P4HA1: variants seen among roughly 807,000 people sequenced by gnomAD.
P4HA1 encodes prolyl 4-hydroxylase subunit alpha-1.
P4HA1 carries 24 observed loss-of-function variants against 72.8 expected under a neutral mutation model. The ratio of observed to expected loss-of-function variants is 0.33; its 90% CI spans 0.24 to 0.46. The LOEUF (loss-of-function observed/expected upper bound fraction) is 0.46, where lower values mean the gene tolerates loss of function less well. Ranked by LOEUF, P4HA1 falls within the 20% of genes least tolerant of loss-of-function variation. P4HA1 has a pLI of 1.00. For synonymous variants in P4HA1, 201 were observed against 218.8 expected (o/e 0.92, Z 0.72); for missense variants, 446 against 640.6 (o/e 0.70, Z 3.28).
intron 10 of P4HA1, among the ~76,000 whole-genome samples, chr10:73,018,487 C>G (rs1024517318): frequency 2.0e-5 from 3 of 152,150 alleles, no homozygotes; most frequent in Non-Finnish European, 4.4e-5. Flanking sequence ...CTGTGCTGCT[C>G]TCTGCCCCAC....
intron 7 of P4HA1, among the ~76,000 whole-genome samples, chr10:73,047,978 G>A (rs1200264090): frequency 6.6e-6 from 1 of 152,136 alleles, no homozygotes; most frequent in Admixed American, 6.5e-5. Context: ...CTTAAGCCCA[G>A]GAGGTAGAGG....
At chr10:73,027,785 C>A (rs1840319538) in intron 10 of P4HA1, among the ~76,000 whole-genome samples, 1 of 127,336 alleles carries the variant, frequency 7.9e-6, no homozygotes, top group African/African-American at 3.0e-5. Context: ...AGGAAGCAAG[C>A]AAACATGGAA....
rs950015685 is a variant in P4HA1, at chr10:73,084,352, G to A, written c.-32-9437C>T. 2.6e-5 allele frequency among the ~76,000 whole-genome samples: 4 copies of A among 152,310 alleles called. No individual in the cohort carries two copies. The East Asian group carries it at 7.7e-4, about 29-fold the overall frequency. On this transcript the variant is annotated intron_variant, in intron 1 of 14. Coordinates refer to ENST00000394890, the MANE Select transcript of P4HA1 (RefSeq NM_001017962.3). ...TTGTTGCCCAGTCTGGAGTGCAGTGGAGCAATCACAGCTGACTACAGCCTC... is the reference window on the plus strand; with the variant it reads ...TTGTTGCCCAGTCTGGAGTGCAGTGAAGCAATCACAGCTGACTACAGCCTC...
intron 10 of P4HA1, among the ~76,000 whole-genome samples, chr10:73,022,696 C>A (rs868738791): frequency 6.2e-4 from 94 of 152,114 alleles, no homozygotes; most frequent in African/African-American, 2.1e-3. Flanking sequence ...AACAAACCTC[C>A]CAGCTAAAGA....
At chr10:73,040,007 G>A (rs1234381088) in intron 9 of P4HA1, among the ~76,000 whole-genome samples, 1 of 151,738 alleles carries the variant, frequency 6.6e-6, no homozygotes, top group Non-Finnish European at 1.5e-5. Context: ...GACTACAGAC[G>A]TGCACCATCA....
At chr10:73,036,359 A>C (rs1450325737) in intron 9 of P4HA1, among the ~76,000 whole-genome samples, 1 of 152,024 alleles carries the variant, frequency 6.6e-6, no homozygotes, top group East Asian at 1.9e-4. Context: ...TATTTCATTT[A>C]ATTTGACTTT....
chr10:73,060,730 AAGCCT>A (rs2133112906), intron 5 of P4HA1, among the ~76,000 whole-genome samples: 1 of 152,344 alleles, frequency 6.6e-6, no homozygotes, highest in South Asian at 2.1e-4. Flanking sequence ...TCAAAAAAAC[AAGCCT>A]ATCTAAAGAT....
rs991950284 is a variant in P4HA1 at position 73,051,229 on chromosome 10, T to C, written c.724A>G (p.Asn242Asp). The change falls in exon 7 of 15, where the codon AAT becomes GAT. Residue 242 changes from asparagine to aspartate, a missense_variant. Transcript: ENST00000394890. ...TACTCAAAATATTTTAAGTTACCAT[T>C]AGCTCTCTGATGTTCAGGATCTATT... The part of the protein sequence containing the change: ...LELDPEHQRA[N>D]GNLKYFEYIM... The C allele has an allele frequency of 6.3e-7, 1 of 1,588,876 alleles. No individual in the cohort carries two copies.
In P4HA1 at chr10:73,030,274, T is replaced by C; in HGVS notation, c.1245A>G (p.Leu415=). ...TGLDVSTAEE[L]QVANYGVGGQ... Reference sequence around the variant, plus strand: ...TAAGGATAATGTGATTACCTACCTGTAATTCCTCTGCTGTGGAAACATCTA... The same window carrying C: ...TAAGGATAATGTGATTACCTACCTGCAATTCCTCTGCTGTGGAAACATCTA... Residue 415 remains leucine, a synonymous_variant, in exon 10 of 15, where the codon TTA becomes TTG. Coordinates refer to ENST00000394890, the MANE Select transcript of P4HA1 (RefSeq NM_001017962.3). 1 of 1,490,560 alleles carries C rather than the reference T, an allele frequency of 6.7e-7. No homozygotes were observed. Among genetic ancestry groups the C allele is most frequent in the South Asian group, 1.3e-5 (1 of 77,740 alleles). The allele number at this position is 1,490,560 out of a possible 1,614,324, so 92.3% of individuals were successfully genotyped here. A position where few individuals can be genotyped will look rare whatever the true frequency, so the allele number is the denominator to read the frequency against.
intron 1 of P4HA1, among the ~76,000 whole-genome samples, chr10:73,089,493 A>ATCTC (rs1841985848): frequency 6.6e-6 from 1 of 152,188 alleles, no homozygotes; most frequent in Non-Finnish European, 1.5e-5. Context: ...AAGAAAGCAT[A>ATCTC]TCTCTCTCCA....
At chr10:73,087,812 A>G (rs548005715) in intron 1 of P4HA1, among the ~76,000 whole-genome samples, 48 of 151,830 alleles carry the variant, frequency 3.2e-4, no homozygotes, top group Admixed American at 2.4e-3. Context: ...TATACAGTCT[A>G]TTTTTTGTCA....
intron 10 of P4HA1, 135 bp downstream of exon 10, chr10:73,030,136 T>C (rs1438623484): frequency 1.9e-5 from 8 of 425,462 alleles, no homozygotes; most frequent in Admixed American, 3.9e-5. Flanking sequence ...CTTTGCATGG[T>C]TGCAGCTTAC....
chr10:73,055,209 T>TAA (rs1279131130), intron 5 of P4HA1, among the ~76,000 whole-genome samples: 3 of 152,200 alleles, frequency 2.0e-5, no homozygotes, highest in African/African-American at 7.2e-5. Context: ...TGCACTCTGT[T>TAA]AGAGTTCTTT....
chr10:73,054,541 T>C (rs1387744635), intron 5 of P4HA1, among the ~76,000 whole-genome samples: 1 of 152,248 alleles, frequency 6.6e-6, no homozygotes, highest in Non-Finnish European at 1.5e-5. Context: ...TTGCCTATTC[T>C]GGACATAATG....
chr10:73,042,504 A>C (rs1840760303), intron 9 of P4HA1, among the ~76,000 whole-genome samples: 1 of 152,188 alleles, frequency 6.6e-6, no homozygotes, highest in Non-Finnish European at 1.5e-5. Context: ...TTGAATTGTC[A>C]TATTGAAAAC....
At chr10:73,028,572 C>G (rs1327346371) in intron 10 of P4HA1, among the ~76,000 whole-genome samples, 1 of 152,072 alleles carries the variant, frequency 6.6e-6, no homozygotes, top group Non-Finnish European at 1.5e-5. Context: ...GCTGGAATTA[C>G]AGTCATGTGC....
At position 73,053,484 on chromosome 10, in the gene P4HA1, G is replaced by T. The variant is rs1276824226; in HGVS notation, c.570C>A (p.Ala190=). The T allele has an allele frequency of 2.5e-6, 4 of 1,613,892 alleles. No individual in the cohort carries two copies. The Admixed American group carries it at 6.7e-5, about 27-fold the overall frequency. ...YYHTELWMEQ[A]LRQLDEGEIS... ...TCTCGCCTTCATCCAGTTGCCTTAG[G>T]GCTTGTTCCATCCACAGTTCCGTAT... The change falls in exon 6 of 15, where the codon GCC becomes GCA. Residue 190 remains alanine (A), a synonymous_variant. Transcript: ENST00000394890.
intron 5 of P4HA1, among the ~76,000 whole-genome samples, chr10:73,060,536 G>C (rs1841290014): frequency 6.6e-6 from 1 of 151,974 alleles, no homozygotes; most frequent in South Asian, 2.1e-4. Context: ...TCGCATCTGT[G>C]AATAGCCACT....
intron 1 of P4HA1, among the ~76,000 whole-genome samples, chr10:73,092,649 T>C (rs1842060521): frequency 6.7e-6 from 1 of 148,656 alleles, no homozygotes; most frequent in South Asian, 2.2e-4. Context: ...TGAGCCACCA[T>C]GCCTGGGCAA....
Sources: allele counts gnomAD v4.1 joint callset (sites outside exome capture counted in the v4.1 genomes callset), GRCh38; gene constraint gnomAD v4.1.1; transcripts MANE v1.5; gene names NCBI Gene and HGNC (gene_info 2026-07-23, HGNC 2026-07-21).